NCAPD3: variants seen among roughly 807,000 people sequenced by gnomAD.
NCAPD3 encodes the protein non-SMC condensin II complex subunit D3.
NCAPD3 carries 105 observed loss-of-function variants against 182.9 expected under a neutral mutation model. The observed-to-expected ratio is 0.57, with a 90% confidence interval of 0.49 to 0.68. NCAPD3 has a LOEUF of 0.68. NCAPD3 is among the 30% of genes least tolerant of loss of function. The probability of loss-of-function intolerance (pLI) is 0.00; values close to 1 mark genes in which losing one functional copy is unlikely to be tolerated. For synonymous variants in NCAPD3, 815 were observed against 679.9 expected (o/e 1.20, Z -3.09); for missense variants, 1,944 against 1,837.0 (o/e 1.06, Z -1.07).
upstream of NCAPD3, chr11:134,225,058 A>G: frequency 6.7e-7 from 1 of 1,482,434 alleles, no homozygotes. Context: ...TTCTTTACCT[A>G]GGGCAGCCCG....
intron 28 of NCAPD3, 127 bp downstream of exon 28, chr11:134,161,654 A>C: frequency 1.5e-6 from 1 of 676,170 alleles, no homozygotes; most frequent in Non-Finnish European, 2.6e-6. Context: ...TTACCAAGGT[A>C]ATGTTGGGTT....
chr11:134,178,977 G>T, intron 20 of NCAPD3, 41 bp from the exon 21 acceptor site: 1 of 1,373,756 alleles, frequency 7.3e-7, no homozygotes, highest in Non-Finnish European at 1.0e-6. Context: ...TAAGGCAAAA[G>T]AAAAGTGAAC....
rs115850395 is a variant in NCAPD3 at position 134,209,264 on chromosome 11, T to C, written c.732+49A>G. The C allele has an allele frequency of 1.5e-3, 2,454 of 1,604,426 alleles. 28 individuals are homozygous for C. The African/African-American group carries it at 0.028, about 19-fold the overall frequency. ...TTTTCTACTGATCAGGTATTAGCCA[T>C]AGTCTAATCCTTTGAAGTTGCCCTA... is the stretch of plus-strand genomic sequence containing the variant. On this transcript the variant is annotated intron_variant, in intron 5 of 34. Coordinates refer to ENST00000534548, the MANE Select transcript of NCAPD3 (RefSeq NM_015261.3).
chr11:134,194,491 A>G (rs1944585887), intron 14 of NCAPD3, among the ~76,000 whole-genome samples, 174 bp downstream of exon 14: 1 of 152,208 alleles, frequency 6.6e-6, no homozygotes, highest in African/African-American at 2.4e-5. Flanking sequence ...AAAGCTTAAA[A>G]ATAAAAAATC....
chr11:134,178,201 T>C (rs1355998772), intron 22 of NCAPD3: 1 of 153,010 alleles, frequency 6.5e-6, no homozygotes, highest in African/African-American at 2.4e-5. Context: ...ACCATTTCCT[T>C]TTATGGAAAA....
chr11:134,166,100 G>T (rs1461049758), intron 27 of NCAPD3, among the ~76,000 whole-genome samples: 8 of 16,686 alleles, frequency 4.8e-4, no homozygotes, highest in African/African-American at 2.3e-3. Context: ...TTGGGGGAGG[G>T]GCACACTCAC....
intron 8 of NCAPD3, among the ~76,000 whole-genome samples, chr11:134,205,496 C>T (rs1250396445): frequency 1.3e-5 from 2 of 151,842 alleles, no homozygotes; most frequent in East Asian, 1.9e-4. Context: ...TCTCCTGCCT[C>T]AGCCTCCCGA....
chr11:134,171,805 T>C (rs1381382574), intron 24 of NCAPD3, among the ~76,000 whole-genome samples: 3 of 152,098 alleles, frequency 2.0e-5, no homozygotes, highest in Non-Finnish European at 2.9e-5. Flanking sequence ...CCTTCATAAA[T>C]GTGGGCCGGC....
At chr11:134,163,788 C>A (rs1396965044) in intron 27 of NCAPD3, among the ~76,000 whole-genome samples, 1 of 137,362 alleles carries the variant, frequency 7.3e-6, no homozygotes, top group East Asian at 2.2e-4. Flanking sequence ...AGGAGAATGG[C>A]GTGAACCTGG....
intron 27 of NCAPD3, among the ~76,000 whole-genome samples, chr11:134,163,107 G>A (rs1213109560): frequency 3.3e-5 from 5 of 152,132 alleles, no homozygotes; most frequent in Admixed American, 6.5e-5. Flanking sequence ...GTATGGGAAA[G>A]GTGGAAGGCA....
At position 134,150,660 on chromosome 11, in the gene NCAPD3, T is replaced by C. The variant is rs1943193188; in HGVS notation, c.*2284A>G. 1 of 151,906 alleles carries C rather than the reference T, an allele frequency of 6.6e-6. No homozygotes were observed. Among genetic ancestry groups the C allele is most frequent in the Non-Finnish European group, 1.5e-5 (1 of 67,946 alleles). 9.4% of individuals were successfully genotyped at this position (151,906 alleles called of 1,614,324 possible). On this transcript the variant is annotated 3_prime_UTR_variant, in exon 35 of 35. Coordinates refer to ENST00000534548, the MANE Select transcript of NCAPD3 (RefSeq NM_015261.3). ...ATGCTATTTTTTTTTTTTAAGTTTGTTTAATTATTTGTTAAGATTGTCTAA... is the reference window on the plus strand; with the variant it reads ...ATGCTATTTTTTTTTTTTAAGTTTGCTTAATTATTTGTTAAGATTGTCTAA...
At position 134,151,699 on chromosome 11, in the gene NCAPD3, C is replaced by T. The variant is rs1279458918; in HGVS notation, c.*1245G>A. The T allele has an allele frequency of 6.6e-6, 1 of 152,218 alleles. No homozygotes were observed. Among genetic ancestry groups the T allele is most frequent in the Admixed American group, 6.5e-5 (1 of 15,292 alleles). The allele number at this position is 152,218 out of a possible 1,614,324, so 9.4% of individuals were successfully genotyped here. A position where few individuals can be genotyped will look rare whatever the true frequency, so the allele number is the denominator to read the frequency against. On this transcript the variant is annotated 3_prime_UTR_variant, in exon 35 of 35. Transcript: ENST00000534548. Reference sequence around the variant, plus strand: ...CAGATGCTACAGACTTGTACTAACACACCGTAATTTGGCATTTGTTTAACC... The same window carrying T: ...CAGATGCTACAGACTTGTACTAACATACCGTAATTTGGCATTTGTTTAACC...
rs1168728380 is a variant in NCAPD3, at chr11:134,204,840, C to T, written c.1089+59G>A. Reference sequence around the variant, plus strand: ...ACCCACACTCACACACACACACACACATTTATCTTCACACACGATATACTT... The same window carrying T: ...ACCCACACTCACACACACACACACATATTTATCTTCACACACGATATACTT... On this transcript the variant is annotated intron_variant, in intron 9 of 34. Transcript: ENST00000534548. This position sits in a 1 kb window ranked among gnomAD's most constrained non-coding sequence, Gnocchi z 4.3. 3.7e-6 allele frequency: 5 copies of T among 1,361,212 alleles called. No individual in the cohort carries two copies. Among genetic ancestry groups the T allele is most frequent in the Non-Finnish European group, 4.2e-6 (4 of 956,972 alleles). 84.3% of individuals were successfully genotyped at this position (1,361,212 alleles called of 1,614,324 possible).
chr11:134,220,093 C>T (rs527980344), intron 2 of NCAPD3, among the ~76,000 whole-genome samples: 9 of 152,180 alleles, frequency 5.9e-5, no homozygotes, highest in African/African-American at 2.2e-4. Flanking sequence ...CATGCCTGGT[C>T]GCAGATTTTC....
At position 134,188,835 on chromosome 11, in the gene NCAPD3, G is replaced by A. The variant is rs78627110; in HGVS notation, c.2046-3309C>T. Among the ~76,000 whole-genome samples, 1,249 of 152,234 alleles carry A rather than the reference G, an allele frequency of 8.2e-3. 14 individuals carry two copies. Among genetic ancestry groups the A allele is most frequent in the African/African-American group, 0.028 (1,145 of 41,546 alleles). On this transcript the variant is annotated intron_variant, in intron 16 of 34. Transcript: ENST00000534548. The stretch of plus-strand genomic sequence containing the variant: ...GAACCCACCAGAAGGAATAAATTCC[G>A]GACACAAAGGGTATCCTTATAAGAA...
intron 27 of NCAPD3, among the ~76,000 whole-genome samples, chr11:134,164,957 CAT>C (rs777696249): frequency 1.3e-4 from 18 of 139,352 alleles, no homozygotes; most frequent in Admixed American, 3.6e-4. Context: ...TCACTTGTGA[CAT>C]AAGCTTAGGG....
Position 134,168,044 on chromosome 11 carries a change from G to C in NCAPD3, c.3525C>G (p.Ala1175=). 6.2e-7 allele frequency: 1 copy of C among 1,614,104 alleles called. No homozygotes were observed. The highest frequency in any genetic ancestry group is 1.3e-5 in the African/African-American group (1 of 75,038). Reference sequence around the variant, plus strand: ...CTTCCTGCATGACTACATTTGCCAAGGCCATGTCATCTTCTTCCATAAGGA... The same window carrying C: ...CTTCCTGCATGACTACATTTGCCAACGCCATGTCATCTTCTTCCATAAGGA... ...KDLLMEEDDM[A]LANVVMQEAQ... The change falls in exon 27 of 35, where the codon GCC becomes GCG. Residue 1175 remains alanine, a synonymous_variant. Transcript: ENST00000534548.
At chr11:134,184,858 G>T in intron 18 of NCAPD3, 45 bp downstream of exon 18, 4 of 1,376,608 alleles carry the variant, frequency 2.9e-6, no homozygotes, top group Non-Finnish European at 4.1e-6. Flanking sequence ...CACCTGAAAT[G>T]AACAGCAATG....
chr11:134,208,227 C>A (rs1029255744), intron 7 of NCAPD3, among the ~76,000 whole-genome samples: 8 of 152,160 alleles, frequency 5.3e-5, no homozygotes, highest in African/African-American at 1.9e-4. Flanking sequence ...TGACCTTGGT[C>A]CAACACATTT....
Sources: allele counts gnomAD v4.1 joint callset (sites outside exome capture counted in the v4.1 genomes callset), GRCh38; gene constraint gnomAD v4.1.1; non-coding constraint Gnocchi (gnomAD v3.1); transcripts MANE v1.5; gene names NCBI Gene and HGNC (gene_info 2026-07-23, HGNC 2026-07-21).